Variants in BLTP2 observed in about 807,000 individuals in gnomAD.
BLTP2 encodes U937-associated antigen.
chr17:28,621,321 A>T, the BLTP2 span: 1 of 1,434,044 alleles, frequency 7.0e-7, no homozygotes, highest in Non-Finnish European at 9.8e-7. Flanking sequence ...TGACGTTAAG[A>T]ATAGGTAGGG....
chr17:28,644,869 T>C, the BLTP2 span: 1 of 498,462 alleles, frequency 2.0e-6, no homozygotes, highest in Non-Finnish European at 3.6e-6. Context: ...CCCTCCACCC[T>C]ACCCACTCTG....
At chr17:28,623,705 G>C in the BLTP2 span, 2 of 1,442,264 alleles carry the variant, frequency 1.4e-6, no homozygotes, top group South Asian at 2.3e-5. Flanking sequence ...CCAGCCATTA[G>C]AAAGTCTACG....
chr17:28,639,239 C>A, the BLTP2 span: 2 of 1,467,508 alleles, frequency 1.4e-6, no homozygotes, highest in Non-Finnish European at 1.9e-6. Context: ...ATATTTAACA[C>A]AGGATGCCAA....
the BLTP2 span, chr17:28,628,676 C>T: frequency 1.1e-5 from 9 of 840,104 alleles, no homozygotes; most frequent in South Asian, 3.5e-5. Context: ...GGCTCATGCC[C>T]GTAATCCCAG....
chr17:28,622,842 C>A, the BLTP2 span, among the ~76,000 whole-genome samples: 1 of 151,992 alleles, frequency 6.6e-6, no homozygotes, highest in African/African-American at 2.4e-5. Context: ...TTTGGGAGGC[C>A]GAGGCGGGCG....
At chr17:28,623,987 G>C in the BLTP2 span, 1 of 1,608,810 alleles carries the variant, frequency 6.2e-7, no homozygotes, top group Non-Finnish European at 8.5e-7. Flanking sequence ...GATAGAAGCA[G>C]AGTTAAGCTA....
At chr17:28,638,535 G>T in the BLTP2 span, 1 of 1,609,760 alleles carries the variant, frequency 6.2e-7, no homozygotes, top group Non-Finnish European at 8.5e-7. Flanking sequence ...CAGAGAGATA[G>T]AATTGAATCC....
chr17:28,637,979 G>A, the BLTP2 span: 2 of 1,614,194 alleles, frequency 1.2e-6, no homozygotes, highest in South Asian at 1.1e-5. Context: ...TAAGATACGA[G>A]ACAGACATTG....
At chr17:28,628,568 C>A in the BLTP2 span, 5 of 1,610,796 alleles carry the variant, frequency 3.1e-6, no homozygotes, top group African/African-American at 1.3e-5. Context: ...TCCTAAGAAA[C>A]AGGAAAAGGA....
the BLTP2 span, chr17:28,643,691 T>C: frequency 9.6e-4 from 1,536 of 1,608,142 alleles, 6 homozygotes; most frequent in Middle Eastern, 7.4e-3. Context: ...CTCTGTGTGC[T>C]AGCTGCTAAA....
At chr17:28,639,334 G>C in the BLTP2 span, 3 of 1,614,150 alleles carry the variant, frequency 1.9e-6, no homozygotes, top group Non-Finnish European at 2.5e-6. Flanking sequence ...CTTTGCTTTA[G>C]AACAGGTGAA....
the BLTP2 span, chr17:28,640,550 G>C: frequency 6.2e-7 from 1 of 1,614,008 alleles, no homozygotes; most frequent in Non-Finnish European, 8.5e-7. Flanking sequence ...TGTGTCAGGA[G>C]AGACCTCACC....
the BLTP2 span, chr17:28,643,971 G>A: frequency 6.1e-6 from 9 of 1,477,310 alleles, no homozygotes; most frequent in East Asian, 9.1e-5. Context: ...AAGCCACCAG[G>A]ATTTCTATTT....
At chr17:28,615,125 A>G in the BLTP2 span, 3 of 1,614,096 alleles carry the variant, frequency 1.9e-6, no homozygotes, top group Non-Finnish European at 2.5e-6. Context: ...ACTTAAACCA[A>G]TGAGGAGCCG....
chr17:28,627,703 A>G, the BLTP2 span, among the ~76,000 whole-genome samples: 1 of 148,768 alleles, frequency 6.7e-6, no homozygotes, highest in Non-Finnish European at 1.5e-5. Flanking sequence ...CCGGCCCCAT[A>G]TTCTTTTTTT....
chr17:28,638,174 T>A, the BLTP2 span: 1 of 1,597,498 alleles, frequency 6.3e-7, no homozygotes, highest in South Asian at 1.1e-5. Context: ...TCCTGCTGCA[T>A]TAGGATGCTC....
chr17:28,623,108 T>TA, the BLTP2 span, among the ~76,000 whole-genome samples: 1 of 151,592 alleles, frequency 6.6e-6, no homozygotes, highest in East Asian at 1.9e-4. Context: ...AAAACCACAT[T>TA]ACCTTGCCAC....
At chr17:28,633,124 C>T in the BLTP2 span, 1 of 1,586,702 alleles carries the variant, frequency 6.3e-7, no homozygotes, top group Non-Finnish European at 8.6e-7. Context: ...CAGTGTCATG[C>T]AGAGGTCAGG....
At chr17:28,632,716 T>C in the BLTP2 span, among the ~76,000 whole-genome samples, 7 of 152,144 alleles carry the variant, frequency 4.6e-5, no homozygotes, top group Non-Finnish European at 7.3e-5. Flanking sequence ...TAAACGCTTG[T>C]TGTTTATAAG....
Sources: allele counts gnomAD v4.1 joint callset (sites outside exome capture counted in the v4.1 genomes callset), GRCh38; gene constraint gnomAD v4.1.1; transcripts MANE v1.5; gene names NCBI Gene and HGNC (gene_info 2026-07-23, HGNC 2026-07-21).